The following RBFOX1 variants were observed in gnomAD, a reference collection of about 807,000 sequenced individuals.
RBFOX1 encodes RNA binding protein fox-1 homolog 1.
A neutral mutation model predicts 57.7 loss-of-function variants in RBFOX1; 8 were observed. That is an observed-to-expected ratio of 0.14 (90% CI 0.08 to 0.25). RBFOX1 has a LOEUF of 0.25. RBFOX1 is among the 10% of genes least tolerant of loss of function. RBFOX1 has a pLI of 1.00. For missense variants in RBFOX1, 611 were observed against 548.5 expected, an observed-to-expected ratio of 1.11 and a Z score of -1.14; for synonymous variants, 326 against 222.4, an observed-to-expected ratio of 1.47 and a Z score of -4.15.
At chr16:6,887,885 C>G (rs138683694) in intron 3 of RBFOX1, among the ~76,000 whole-genome samples, 52 of 152,200 alleles carry the variant, frequency 3.4e-4, no homozygotes, top group African/African-American at 1.3e-3. Context: ...TGGTCTCGAA[C>G]TCCAGACTTC....
intron 6 of RBFOX1, among the ~76,000 whole-genome samples, chr16:7,584,694 C>G (rs1454982794): frequency 1.3e-5 from 2 of 152,210 alleles, no homozygotes; most frequent in Non-Finnish European, 2.9e-5. Context: ...CTAGTTATGT[C>G]TGCGAATGAG....
chr16:6,143,579 C>A (rs1450593104), intron 1 of RBFOX1, among the ~76,000 whole-genome samples: 1 of 152,106 alleles, frequency 6.6e-6, no homozygotes, highest in African/African-American at 2.4e-5. Flanking sequence ...CCATAAGCAT[C>A]CAAGTGATTC....
intron 3 of RBFOX1, among the ~76,000 whole-genome samples, chr16:6,747,426 A>ATCAGTCAG (rs1322802860): frequency 7.0e-6 from 1 of 143,132 alleles, no homozygotes; most frequent in South Asian, 2.4e-4. Flanking sequence ...AAAAAAATCT[A>ATCAGTCAG]TCAGTCAGTC....
At chr16:6,844,094 T>C (rs566889484) in intron 3 of RBFOX1, among the ~76,000 whole-genome samples, 7 of 150,930 alleles carry the variant, frequency 4.6e-5, no homozygotes, top group African/African-American at 1.7e-4. Context: ...CCTCTCTGTC[T>C]CTAAGCCACC....
chr16:6,797,996 G>C (rs182174467), intron 3 of RBFOX1, among the ~76,000 whole-genome samples: 416 of 152,216 alleles, frequency 2.7e-3, no homozygotes, highest in African/African-American at 9.5e-3. Context: ...TGGTGATGAT[G>C]GGAATAGGGA....
rs560863565 is a variant in RBFOX1 at position 5,427,151 on chromosome 16, A to G, written c.220-40065A>G. ...CCGCAGATGCTGTGTTCTGGAAGTA[A>G]GGTTGGAGCCCTTGAGTGGGCTCAC... On this transcript the variant is annotated intron_variant, in intron 1 of 2. Transcript: ENST00000585867. Among the ~76,000 whole-genome samples the G allele has an allele frequency of 3.3e-4, 50 of 152,296 alleles. 1 individual carries two copies. The South Asian group carries it at 0.01, about 32-fold the overall frequency.
chr16:7,174,535 C>A (rs1019974972), intron 4 of RBFOX1, among the ~76,000 whole-genome samples: 8 of 152,152 alleles, frequency 5.3e-5, no homozygotes, highest in Admixed American at 2.0e-4. Context: ...AATCCCAGCC[C>A]TTTGGGAGGC....
intron 4 of RBFOX1, among the ~76,000 whole-genome samples, chr16:7,463,549 C>G (rs540854333): frequency 6.6e-6 from 1 of 152,172 alleles, no homozygotes; most frequent in Non-Finnish European, 1.5e-5. Flanking sequence ...GAGTCCTACC[C>G]TTATGATGTA....
At chr16:7,447,429 T>TTA (rs1256821567) in intron 4 of RBFOX1, among the ~76,000 whole-genome samples, 1 of 38,144 alleles carries the variant, frequency 2.6e-5, no homozygotes, top group Non-Finnish European at 5.3e-5. Flanking sequence ...TGAGTCTATC[T>TTA]CAAAAAAAAA....
chr16:7,037,564 A>G (rs1240472708), intron 3 of RBFOX1, among the ~76,000 whole-genome samples: 1 of 152,192 alleles, frequency 6.6e-6, no homozygotes, highest in East Asian at 1.9e-4. Context: ...AACAACAACA[A>G]CAAATGGACT....
At chr16:6,583,912 G>T (rs1049880144) in intron 2 of RBFOX1, among the ~76,000 whole-genome samples, 1 of 151,318 alleles carries the variant, frequency 6.6e-6, no homozygotes, top group African/African-American at 2.4e-5. Context: ...GCACTTGTTT[G>T]TAAAGAAAGA....
chr16:7,402,005 T>G (rs2098252442), intron 4 of RBFOX1, among the ~76,000 whole-genome samples: 1 of 152,204 alleles, frequency 6.6e-6, no homozygotes, highest in African/African-American at 2.4e-5. Context: ...TTCCTTCCCT[T>G]TAAAAAGTTA....
At chr16:6,276,970 A>T (rs2075864865) in intron 1 of RBFOX1, among the ~76,000 whole-genome samples, 1 of 152,146 alleles carries the variant, frequency 6.6e-6, no homozygotes, top group Non-Finnish European at 1.5e-5. Flanking sequence ...AATGAATTTG[A>T]TTTAAATAAA....
intron 3 of RBFOX1, among the ~76,000 whole-genome samples, chr16:5,814,507 T>C (rs570495054): frequency 1.3e-5 from 2 of 152,324 alleles, no homozygotes; most frequent in African/African-American, 4.8e-5. Context: ...ATTCCATCAA[T>C]GCCCAATTCA....
intron 1 of RBFOX1, among the ~76,000 whole-genome samples, chr16:6,208,630 C>T (rs897651071): frequency 3.0e-4 from 45 of 152,134 alleles, no homozygotes; most frequent in Admixed American, 2.0e-3. Context: ...AAATACGTAG[C>T]GCTGCACAGT....
At chr16:6,698,098 T>C (rs915159032) in intron 3 of RBFOX1, among the ~76,000 whole-genome samples, 4 of 152,206 alleles carry the variant, frequency 2.6e-5, no homozygotes, top group Admixed American at 1.3e-4. Flanking sequence ...TGTTTGGAAA[T>C]CATAAAATAT....
At position 5,823,122 on chromosome 16, in the gene RBFOX1, C is replaced by T. The variant is rs79649230; in HGVS notation, c.319-44181C>T. On this transcript the variant is annotated intron_variant, in intron 3 of 19. Transcript: ENST00000641259. ...TAGCGTATTAAACCCTTCTGCCTAC[C>T]CATTGCCTTACCCTGAGGATCCTGG... is the stretch of plus-strand genomic sequence containing the variant. Among the ~76,000 whole-genome samples the T allele has an allele frequency of 3.0e-3, 455 of 152,260 alleles. 3 individuals are homozygous for T. Among genetic ancestry groups the T allele is most frequent in the African/African-American group, 0.01 (433 of 41,530 alleles).
intron 3 of RBFOX1, among the ~76,000 whole-genome samples, chr16:7,003,188 C>T (rs1015005925): frequency 1.2e-4 from 18 of 152,076 alleles, no homozygotes; most frequent in South Asian, 8.3e-4. Flanking sequence ...GGGCCAGGCA[C>T]GGTGGCTCAC....
At chr16:5,575,588 C>T (rs570167738) in intron 2 of RBFOX1, among the ~76,000 whole-genome samples, 1 of 152,318 alleles carries the variant, frequency 6.6e-6, no homozygotes, top group Admixed American at 6.5e-5. Context: ...ACATCCCATG[C>T]CAGCCAGGGT....
Sources: gnomAD v4.1 joint callset for allele counts (sites outside exome capture counted in the v4.1 genomes callset) on GRCh38, gnomAD v4.1.1 for gene constraint, MANE v1.5 for transcripts, NCBI Gene and HGNC (gene_info 2026-07-23, HGNC 2026-07-21) for gene names.